Variants in CRIM1 observed in about 807,000 individuals in gnomAD.
The protein encoded by CRIM1 is cysteine rich transmembrane BMP regulator 1, also known as cysteine-rich motor neuron 1 protein.
Under a neutral mutation model 116.4 loss-of-function variants are expected in CRIM1, and 32 were observed. That is an observed-to-expected ratio of 0.27 (90% CI 0.21 to 0.37). The LOEUF is 0.37. Among genes scored for constraint, CRIM1 ranks in the 10% least tolerant of loss-of-function variants. The probability of loss-of-function intolerance (pLI) is 1.00; values close to 1 mark genes in which losing one functional copy is unlikely to be tolerated. For missense variants in CRIM1, 1,331 were observed against 1,354.8 expected (o/e 0.98, Z 0.28); for synonymous variants, 590 against 509.2 (o/e 1.16, Z -2.13).
At chr2:36,548,092 A>C (rs1232732294) in intron 16 of CRIM1, among the ~76,000 whole-genome samples, 1 of 148,924 alleles carries the variant, frequency 6.7e-6, no homozygotes. Context: ...CCCGCTCATA[A>C]AGTGTATGGA....
intron 3 of CRIM1, 55 bp downstream of exon 3, chr2:36,441,555 A>T: frequency 6.3e-7 from 1 of 1,586,310 alleles, no homozygotes; most frequent in Non-Finnish European, 8.5e-7. Context: ...AGGGTAGCAG[A>T]TCCCTCCTCA....
intron 13 of CRIM1, among the ~76,000 whole-genome samples, chr2:36,530,247 A>G (rs1206397320): frequency 2.6e-5 from 4 of 152,172 alleles, no homozygotes; most frequent in African/African-American, 9.7e-5. Context: ...ATTCTTTTAC[A>G]GTCTGTAAAG....
intron 2 of CRIM1, among the ~76,000 whole-genome samples, chr2:36,422,726 G>A (rs1297976874): frequency 6.6e-6 from 1 of 152,186 alleles, no homozygotes; most frequent in Non-Finnish European, 1.5e-5. Context: ...AATGATGACA[G>A]TTTTATTCCT....
intron 1 of CRIM1, chr2:36,369,339 G>C (rs1368113893): frequency 1.3e-5 from 2 of 152,202 alleles, no homozygotes; most frequent in Admixed American, 1.3e-4. Context: ...AGTGCCTGCT[G>C]GATCTCAAGT....
chr2:36,411,997 G>A (rs1044212189), intron 2 of CRIM1, among the ~76,000 whole-genome samples: 5 of 151,994 alleles, frequency 3.3e-5, no homozygotes, highest in Non-Finnish European at 7.4e-5. Flanking sequence ...TCTGCTTCCC[G>A]CACACTAGTG....
chr2:36,542,468 C>G (rs954707562), intron 14 of CRIM1, among the ~76,000 whole-genome samples: 1 of 152,186 alleles, frequency 6.6e-6, no homozygotes, highest in Non-Finnish European at 1.5e-5. Flanking sequence ...AGGGTCAAGG[C>G]AAAAGAATTC....
chr2:36,466,754 T>C (rs1678069451), intron 5 of CRIM1, among the ~76,000 whole-genome samples: 2 of 152,142 alleles, frequency 1.3e-5, no homozygotes, highest in African/African-American at 4.8e-5. Context: ...CCTCTAGAGG[T>C]GTCTGTTAAA....
chr2:36,444,836 A>G (rs1197487007), intron 4 of CRIM1, among the ~76,000 whole-genome samples: 2 of 152,176 alleles, frequency 1.3e-5, no homozygotes, highest in African/African-American at 2.4e-5. Context: ...TTCTGCATAC[A>G]TATAGGCAGC....
At chr2:36,444,403 G>T (rs974480443) in intron 4 of CRIM1, among the ~76,000 whole-genome samples, 1 of 152,164 alleles carries the variant, frequency 6.6e-6, no homozygotes, top group Non-Finnish European at 1.5e-5. Context: ...ATTTCTTTCC[G>T]TCTGGATGGC....
chr2:36,389,934 A>AT (rs1367660981), intron 1 of CRIM1, among the ~76,000 whole-genome samples: 9 of 152,092 alleles, frequency 5.9e-5, no homozygotes, highest in Non-Finnish European at 2.9e-5. Context: ...TTCTTCACAT[A>AT]TCTGGTGTTC....
At chr2:36,447,131 T>C (rs1676305472) in intron 4 of CRIM1, among the ~76,000 whole-genome samples, 2 of 152,184 alleles carry the variant, frequency 1.3e-5, no homozygotes, top group African/African-American at 2.4e-5. Flanking sequence ...ATGAGGAATT[T>C]ATAGGTATGA....
chr2:36,408,600 A>G (rs1341116942), intron 2 of CRIM1, among the ~76,000 whole-genome samples: 2 of 152,212 alleles, frequency 1.3e-5, no homozygotes, highest in African/African-American at 2.4e-5. Context: ...CTGTGTCCAC[A>G]GGGGTTCTCC....
At chr2:36,401,731 A>T (rs1672417015) in intron 2 of CRIM1, among the ~76,000 whole-genome samples, 1 of 152,248 alleles carries the variant, frequency 6.6e-6, no homozygotes, top group Non-Finnish European at 1.5e-5. Flanking sequence ...ATTGTAATTC[A>T]GTGGTCATAA....
rs147052572 is a variant in CRIM1 at position 36,479,471 on chromosome 2, A to G, written c.1175-26A>G. The G allele has an allele frequency of 2.2e-5, 36 of 1,610,266 alleles. No individual in the cohort carries two copies. In the African/African-American group the frequency reaches 4.3e-4, roughly 19 times the overall value. ...ATAAGATTTAGAAGATGCTCAGTCTAACTCTGAACTCATGTTCTCATTTAG... is the reference window on the plus strand; with the variant it reads ...ATAAGATTTAGAAGATGCTCAGTCTGACTCTGAACTCATGTTCTCATTTAG... On this transcript the variant is annotated intron_variant, in intron 6 of 16. Coordinates refer to ENST00000280527, the MANE Select transcript of CRIM1 (RefSeq NM_016441.3).
At chr2:36,407,286 T>G (rs556563154) in intron 2 of CRIM1, among the ~76,000 whole-genome samples, 1 of 152,328 alleles carries the variant, frequency 6.6e-6, no homozygotes, top group East Asian at 1.9e-4. Flanking sequence ...AACACAGATA[T>G]GTAAAGTGAC....
intron 12 of CRIM1, among the ~76,000 whole-genome samples, chr2:36,517,889 G>C (rs920660212): frequency 6.6e-6 from 1 of 152,170 alleles, no homozygotes; most frequent in Admixed American, 6.5e-5. Context: ...ACTGTGAAAA[G>C]TCATCTTTAT....
chr2:36,407,530 C>G (rs747187654), intron 2 of CRIM1, among the ~76,000 whole-genome samples: 4 of 151,928 alleles, frequency 2.6e-5, no homozygotes, highest in Non-Finnish European at 5.9e-5. Flanking sequence ...AAAAGGGTTA[C>G]CAAAAGGCAG....
Position 36,537,236 on chromosome 2 carries a change from C to G in CRIM1, c.2429-116C>G, listed in dbSNP as rs1304007287. The G allele has an allele frequency of 3.1e-6, 3 of 963,912 alleles. No homozygotes were observed. In the African/African-American group the frequency reaches 4.9e-5, roughly 16 times the overall value. The allele number at this position is 963,912 out of a possible 1,614,324, so 59.7% of individuals were successfully genotyped here. A position where few individuals can be genotyped will look rare whatever the true frequency, so the allele number is the denominator to read the frequency against. On this transcript the variant is annotated intron_variant, in intron 13 of 16. Coordinates refer to ENST00000280527, the MANE Select transcript of CRIM1 (RefSeq NM_016441.3). ...GGGAAACAAAAGTTTCACCAAGTTCCAGAAGTCCTAAAGCATACTGTGATT... is the reference window on the plus strand; with the variant it reads ...GGGAAACAAAAGTTTCACCAAGTTCGAGAAGTCCTAAAGCATACTGTGATT...
At chr2:36,419,834 G>T (rs987184364) in intron 2 of CRIM1, among the ~76,000 whole-genome samples, 6 of 152,220 alleles carry the variant, frequency 3.9e-5, no homozygotes, top group African/African-American at 1.4e-4. Context: ...CTGGGATGTG[G>T]TTATATACAG....
Sources: allele counts gnomAD v4.1 joint callset (sites outside exome capture counted in the v4.1 genomes callset), GRCh38; gene constraint gnomAD v4.1.1; transcripts MANE v1.5; gene names NCBI Gene and HGNC (gene_info 2026-07-23, HGNC 2026-07-21).